C12orf43: variants seen among roughly 807,000 people sequenced by gnomAD.
C12orf43 encodes protein CUSTOS.
A neutral mutation model predicts 20.6 loss-of-function variants in C12orf43; 15 were observed. The ratio of observed to expected loss-of-function variants is 0.73; its 90% CI spans 0.49 to 1.12. C12orf43 has a LOEUF of 1.12. Among genes scored for constraint, C12orf43 ranks in the 50% most tolerant of loss-of-function variants. C12orf43 has a pLI of 0.00. For synonymous variants in C12orf43, 144 were observed against 130.8 expected (o/e 1.10, Z -0.69); for missense variants, 334 against 344.4 (o/e 0.97, Z 0.24).
chr12:121,006,274 A>G (rs767793909), intron 4 of C12orf43, 47 bp downstream of exon 4: 1 of 1,529,530 alleles, frequency 6.5e-7, no homozygotes, highest in Non-Finnish European at 9.1e-7. Flanking sequence ...CCAGACACAC[A>G]TTAGGTGCTT....
intron 4 of C12orf43, 51 bp downstream of exon 4, chr12:121,006,270 A>T (rs759753336): frequency 6.6e-7 from 1 of 1,507,570 alleles, no homozygotes; most frequent in Non-Finnish European, 9.2e-7. Context: ...ACCTCCAGAC[A>T]CACATTAGGT....
chr12:121,007,238 G>A (rs992527520), intron 3 of C12orf43: 6 of 152,090 alleles, frequency 3.9e-5, no homozygotes, highest in African/African-American at 1.4e-4. Context: ...AAATAATGCA[G>A]ATGTTCCATA....
Position 121,003,990 on chromosome 12 carries a change from T to C in C12orf43, c.*163A>G, listed in dbSNP as rs1391921515. On this transcript the variant is annotated 3_prime_UTR_variant, in exon 6 of 6. Transcript: ENST00000288757. ...TACAGCCACTTTTTTGGCCCAACTC[T>C]CGAGCAAGCCTTCATCACCATCAGG... is the stretch of plus-strand genomic sequence containing the variant. 1 of 785,568 alleles carries C rather than the reference T, an allele frequency of 1.3e-6. No individual in the cohort carries two copies. The highest frequency in any genetic ancestry group is 2.4e-5 in the Admixed American group (1 of 42,308). The allele number at this position is 785,568 out of a possible 1,614,324, so 48.7% of individuals were successfully genotyped here.
intron 2 of C12orf43, 49 bp downstream of exon 2, chr12:121,011,055 G>T: frequency 1.2e-6 from 2 of 1,601,132 alleles, no homozygotes; most frequent in Non-Finnish European, 1.7e-6. Flanking sequence ...ACACGCAGGG[G>T]ATCAGTATTT....
In C12orf43 at chr12:121,005,208, AAGAAAAGAT is replaced by A. The variant is rs2135866237; in HGVS notation, c.362-124_362-116del. ...AAATTTTAAAAAGGAAAACGAAAGAAAGAAAAGATAAAGAGAAACAAAAAAAAAATTTTA... is the reference window on the plus strand; with the variant it reads ...AAATTTTAAAAAGGAAAACGAAAGAAAAAGAGAAACAAAAAAAAAATTTTA... On this transcript the variant is annotated intron_variant, in intron 4 of 5. Transcript: ENST00000288757. The surrounding 1 kb of genome is among the most constrained non-coding windows in gnomAD (Gnocchi z 5.6). The A allele has an allele frequency of 1.8e-6, 1 of 571,280 alleles. No individual in the cohort carries two copies. The highest frequency in any genetic ancestry group is 4.4e-5 in the Admixed American group (1 of 22,874). The allele number at this position is 571,280 out of a possible 1,614,324, so 35.4% of individuals were successfully genotyped here. A position where few individuals can be genotyped will look rare whatever the true frequency, so the allele number is the denominator to read the frequency against.
rs1241334022 is a variant in C12orf43 at position 121,003,377 on chromosome 12, G to A, written c.*776C>T. 2 of 152,166 alleles carry A rather than the reference G, an allele frequency of 1.3e-5. No homozygotes were observed. The highest frequency in any genetic ancestry group is 2.9e-5 in the Non-Finnish European group (2 of 68,066). The allele number at this position is 152,166 out of a possible 1,614,324, so 9.4% of individuals were successfully genotyped here. On this transcript the variant is annotated 3_prime_UTR_variant, in exon 6 of 6. Transcript: ENST00000288757. ...CTTTGTCCCATGAAACCTAGTCCACGAGTGCTATGACACTTCCTGAAGTCT... is the reference window on the plus strand; with the variant it reads ...CTTTGTCCCATGAAACCTAGTCCACAAGTGCTATGACACTTCCTGAAGTCT...
chr12:121,006,993 A>G (rs1878076743), intron 3 of C12orf43: 1 of 153,566 alleles, frequency 6.5e-6, no homozygotes, highest in Non-Finnish European at 1.4e-5. Context: ...ACAAAGAGAT[A>G]TAAGGGCAAG....
intron 1 of C12orf43, chr12:121,012,548 A>G: frequency 4.3e-6 from 3 of 699,282 alleles, no homozygotes; most frequent in Non-Finnish European, 7.8e-6. Flanking sequence ...CTCCAGATAG[A>G]TGCACTTTTA....
At chr12:121,011,398 T>C (rs1878452875) in intron 1 of C12orf43, among the ~76,000 whole-genome samples, 1 of 148,176 alleles carries the variant, frequency 6.7e-6, no homozygotes, top group Non-Finnish European at 1.5e-5. Context: ...ATTATATATA[T>C]ATATATCTTA....
intron 1 of C12orf43, among the ~76,000 whole-genome samples, chr12:121,014,880 G>A (rs1432917206): frequency 6.6e-6 from 1 of 151,904 alleles, no homozygotes; most frequent in Non-Finnish European, 1.5e-5. Flanking sequence ...GGCTGAGGTG[G>A]GAGGATCATC....
chr12:121,000,912 C>A lies in C12orf43; in HGVS notation c.*3241G>T. On this transcript the variant is annotated 3_prime_UTR_variant, in exon 6 of 6. Transcript: ENST00000288757. ...TGGCTGGGAGGCTCCCTTTGAAGAA[C>A]CGAGGGTAGAGGTGTGACTTTGGGG... 1 of 1,078,654 alleles carries A rather than the reference C, an allele frequency of 9.3e-7. No homozygotes were observed. The highest frequency in any genetic ancestry group is 1.4e-6 in the Non-Finnish European group (1 of 728,528). The allele number at this position is 1,078,654 out of a possible 1,614,324, so 66.8% of individuals were successfully genotyped here. A position where few individuals can be genotyped will look rare whatever the true frequency, so the allele number is the denominator to read the frequency against.
At chr12:121,015,719 T>C (rs1375337281) in intron 1 of C12orf43, among the ~76,000 whole-genome samples, 1 of 152,258 alleles carries the variant, frequency 6.6e-6, no homozygotes, top group African/African-American at 2.4e-5. Flanking sequence ...TGAAAATCTG[T>C]GACTTCTGTT....
intron 3 of C12orf43, among the ~76,000 whole-genome samples, chr12:121,010,584 G>A (rs984263717): frequency 6.6e-6 from 1 of 152,192 alleles, no homozygotes; most frequent in African/African-American, 2.4e-5. Flanking sequence ...CTCAGTAAAT[G>A]GTAGCTGCGA....
At chr12:121,006,526 A>C in intron 3 of C12orf43, 132 bp from the exon 4 acceptor site, 2 of 802,502 alleles carry the variant, frequency 2.5e-6, no homozygotes, top group South Asian at 3.0e-5. Context: ...GCCTAGTAAG[A>C]GGGCTGATGG....
intron 1 of C12orf43, chr12:121,012,794 G>A (rs1868499525): frequency 4.5e-6 from 1 of 222,836 alleles, no homozygotes; most frequent in Non-Finnish European, 9.0e-6. Context: ...GGAGGTTGCA[G>A]TGAGCCAAGA....
chr12:121,006,608 T>G, intron 3 of C12orf43: 1 of 541,306 alleles, frequency 1.8e-6, no homozygotes, highest in South Asian at 2.0e-5. Context: ...GCCCACTTTA[T>G]TCCAGTAAGT....
At position 121,001,017 on chromosome 12, in the gene C12orf43, G is replaced by A; in HGVS notation, c.*3136C>T. 1 of 1,609,444 alleles carries A rather than the reference G, an allele frequency of 6.2e-7. No individual in the cohort carries two copies. Among genetic ancestry groups the A allele is most frequent in the Non-Finnish European group, 8.5e-7 (1 of 1,179,452 alleles). ...ACCCCTAGGGACAGGCAGGTGGGGT[G>A]GGTGTGGGTGCCTGGTGGGTGGCTA... On this transcript the variant is annotated 3_prime_UTR_variant, in exon 6 of 6. Transcript: ENST00000288757.
Position 121,000,858 on chromosome 12 carries a change from C to A in C12orf43, c.*3295G>T. On this transcript the variant is annotated 3_prime_UTR_variant, in exon 6 of 6. Transcript: ENST00000288757. ...TCCAGTGTTCACACTAAGATGTACTCAGGCCACTCCATGGGCGGCCGTGGA... is the reference window on the plus strand; with the variant it reads ...TCCAGTGTTCACACTAAGATGTACTAAGGCCACTCCATGGGCGGCCGTGGA... The A allele has an allele frequency of 1.6e-6, 1 of 639,546 alleles. No homozygotes were observed. The highest frequency in any genetic ancestry group is 2.8e-6 in the Non-Finnish European group (1 of 358,012). The allele number at this position is 639,546 out of a possible 1,614,324, so 39.6% of individuals were successfully genotyped here.
rs1367391944 is a variant in C12orf43 at position 121,016,152 on chromosome 12, T to C, written c.145+178A>G. 1.9e-5 allele frequency: 18 copies of C among 962,804 alleles called. No homozygotes were observed. The East Asian group carries it at 4.7e-4, about 25-fold the overall frequency. 59.6% of individuals were successfully genotyped at this position (962,804 alleles called of 1,614,324 possible). ...ACCTCAGCTTCCCCGACTGGAATAA[T>C]GAAATACCCTCCCTACTGCACCTGC... On this transcript the variant is annotated intron_variant, in intron 1 of 5. Coordinates refer to ENST00000288757, the MANE Select transcript of C12orf43 (RefSeq NM_022895.3).
Sources: allele counts gnomAD v4.1 joint callset (sites outside exome capture counted in the v4.1 genomes callset), GRCh38; gene constraint gnomAD v4.1.1; non-coding constraint Gnocchi (gnomAD v3.1); transcripts MANE v1.5; gene names NCBI Gene and HGNC (gene_info 2026-07-23, HGNC 2026-07-21).